The following RNF220 variants were observed in gnomAD, a reference collection of about 807,000 sequenced individuals.
RNF220 encodes the protein E3 ubiquitin-protein ligase RNF220.
RNF220 carries 7 observed loss-of-function variants against 67.1 expected under a neutral mutation model. The observed-to-expected ratio is 0.10, with a 90% CI of 0.06 to 0.20. RNF220 has a LOEUF of 0.20. Among genes scored for constraint, RNF220 ranks in the 10% least tolerant of loss-of-function variants. The probability of loss-of-function intolerance (pLI) is 1.00; values close to 1 mark genes in which losing one functional copy is unlikely to be tolerated. For missense variants in RNF220, 565 were observed against 740.3 expected (o/e 0.76, Z 2.75); for synonymous variants, 270 against 283.2 (o/e 0.95, Z 0.47).
intron 2 of RNF220, among the ~76,000 whole-genome samples, chr1:44,434,688 G>A (rs1237785638): frequency 6.7e-6 from 1 of 149,396 alleles, no homozygotes; most frequent in African/African-American, 2.5e-5. Context: ...CTGCACTCCA[G>A]CCTGGGCGAC....
intron 2 of RNF220, among the ~76,000 whole-genome samples, chr1:44,426,077 T>C (rs1209503503): frequency 6.6e-6 from 1 of 152,198 alleles, no homozygotes; most frequent in African/African-American, 2.4e-5. Flanking sequence ...TCAGCTGAAA[T>C]TTTATTGGCT....
chr1:44,553,143 A>T (rs172018), intron 2 of RNF220, among the ~76,000 whole-genome samples: 1 of 151,858 alleles, frequency 6.6e-6, no homozygotes, highest in Non-Finnish European at 1.5e-5. Flanking sequence ...TGTCCACCCC[A>T]CAAGAGTAGG....
Position 44,405,394 on chromosome 1 carries a change from T to TGCCGCTGCCGCCGCCGCCGCC in RNF220, c.-244_-224dup. The TGCCGCTGCCGCCGCCGCCGCC allele has an allele frequency of 4.8e-6, 3 of 628,812 alleles. No homozygotes were observed. The highest frequency in any genetic ancestry group is 8.6e-6 in the Non-Finnish European group (3 of 348,656). The allele number at this position is 628,812 out of a possible 1,614,324, so 39.0% of individuals were successfully genotyped here. On this transcript the variant is annotated 5_prime_UTR_variant, in exon 1 of 15. Transcript: ENST00000361799. ...AGCCGCCTACTGCTGCTGCTGCTGC[T>TGCCGCTGCCGCCGCCGCCGCC]GCCGCTGCCGCCGCCGCCGCCGCCG... is the stretch of plus-strand genomic sequence containing the variant.
At chr1:44,538,857 A>C (rs1466019894) in intron 2 of RNF220, among the ~76,000 whole-genome samples, 2 of 144,312 alleles carry the variant, frequency 1.4e-5, no homozygotes, top group African/African-American at 5.1e-5. Context: ...TGGAGGCTGC[A>C]GTGAGCTGAG....
intron 2 of RNF220, among the ~76,000 whole-genome samples, chr1:44,463,335 C>CAA (rs1223749063): frequency 0.057 from 5,190 of 91,048 alleles, 120 homozygotes; most frequent in East Asian, 0.16. Context: ...AACTCTGTCT[C>CAA]AAAAAAAAAA....
intron 2 of RNF220, among the ~76,000 whole-genome samples, chr1:44,537,710 G>A (rs1266630602): frequency 1.3e-5 from 2 of 152,130 alleles, no homozygotes; most frequent in African/African-American, 4.8e-5. Flanking sequence ...ACAAGTCAGG[G>A]TTCCAAGACA....
Position 44,644,734 on chromosome 1 carries a change from C to T in RNF220, c.1163C>T (p.Pro388Leu), listed in dbSNP as rs772408858. The T allele has an allele frequency of 3.0e-5, 49 of 1,613,992 alleles. No individual in the cohort carries two copies. The highest frequency in any genetic ancestry group is 3.9e-5 in the Non-Finnish European group (46 of 1,180,014). Residue 388 changes from proline (P) to leucine (L), a missense_variant, in exon 9 of 15, where the codon CCG becomes CTG. Transcript: ENST00000361799. ...GFIMCSGKEN[P>L]DSDADLDVDG... ...ATCATGTGCAGCGGCAAAGAGAACCCGGACAGTGATGCTGACTTGGATGTG... is the reference window on the plus strand; with the variant it reads ...ATCATGTGCAGCGGCAAAGAGAACCTGGACAGTGATGCTGACTTGGATGTG...
intron 2 of RNF220, among the ~76,000 whole-genome samples, chr1:44,555,455 A>T (rs1662995762): frequency 6.6e-6 from 1 of 151,866 alleles, no homozygotes; most frequent in Admixed American, 6.6e-5. Context: ...GCTATACTGA[A>T]CGTACCAATT....
chr1:44,465,398 A>T (rs1007160993), intron 2 of RNF220, among the ~76,000 whole-genome samples: 6 of 150,882 alleles, frequency 4.0e-5, no homozygotes, highest in South Asian at 2.1e-4. Flanking sequence ...TTAAATATAT[A>T]AAAAAATGAT....
intron 2 of RNF220, among the ~76,000 whole-genome samples, chr1:44,415,202 A>G (rs1050312090): frequency 6.6e-6 from 1 of 151,714 alleles, no homozygotes; most frequent in Non-Finnish European, 1.5e-5. Flanking sequence ...GTGTGTCGGA[A>G]TATTTATGGT....
intron 2 of RNF220, among the ~76,000 whole-genome samples, chr1:44,587,034 T>C (rs1043733799): frequency 1.3e-5 from 2 of 152,000 alleles, no homozygotes; most frequent in African/African-American, 2.4e-5. Context: ...GGATGGGCAG[T>C]TGATCCCTTA....
rs1394249089 is a variant in RNF220, at chr1:44,621,905, T to C, written c.759-837T>C. On this transcript the variant is annotated intron_variant, in intron 3 of 14. Transcript: ENST00000361799. The surrounding 1 kb of genome is among the most constrained non-coding windows in gnomAD (Gnocchi z 4.8). ...ACTTCTGTGAGCATGTGTGTGTGTGTGTGAGTGCACGCGCATGAATGTGCG... is the reference window on the plus strand; with the variant it reads ...ACTTCTGTGAGCATGTGTGTGTGTGCGTGAGTGCACGCGCATGAATGTGCG... Among the ~76,000 whole-genome samples, 1 of 151,474 alleles carries C rather than the reference T, an allele frequency of 6.6e-6. No individual in the cohort carries two copies. The highest frequency in any genetic ancestry group is 1.5e-5 in the Non-Finnish European group (1 of 67,586).
intron 2 of RNF220, among the ~76,000 whole-genome samples, chr1:44,555,456 C>T (rs532830913): frequency 6.6e-6 from 1 of 151,910 alleles, no homozygotes; most frequent in Non-Finnish European, 1.5e-5. Context: ...CTATACTGAA[C>T]GTACCAATTT....
At chr1:44,522,806 C>T (rs1238063773) in intron 2 of RNF220, among the ~76,000 whole-genome samples, 1 of 152,202 alleles carries the variant, frequency 6.6e-6, no homozygotes. Flanking sequence ...ACCTCTGAGG[C>T]CCTGCCCTCC....
chr1:44,443,239 C>T (rs1651744639), intron 2 of RNF220, among the ~76,000 whole-genome samples: 1 of 151,664 alleles, frequency 6.6e-6, no homozygotes, highest in Admixed American at 6.6e-5. Context: ...CTTTGTATTG[C>T]CTATTTTGAT....
intron 2 of RNF220, among the ~76,000 whole-genome samples, chr1:44,518,473 A>T (rs12744658): frequency 0.099 from 14,997 of 152,236 alleles, 796 homozygotes; most frequent in Middle Eastern, 0.13. Context: ...GCCAAAGCTC[A>T]TGATCTTTCC....
At chr1:44,620,063 C>T (rs1643729872) in intron 3 of RNF220, among the ~76,000 whole-genome samples, 1 of 152,174 alleles carries the variant, frequency 6.6e-6, no homozygotes, top group Admixed American at 6.5e-5. Flanking sequence ...TCAGCAGTTC[C>T]CCTCCCCAAA....
chr1:44,506,896 C>CAG (rs1658480330), intron 2 of RNF220, among the ~76,000 whole-genome samples: 1 of 152,190 alleles, frequency 6.6e-6, no homozygotes, highest in Admixed American at 6.5e-5. Context: ...TGAGTGACTA[C>CAG]AGACTCCAGA....
At chr1:44,453,759 C>A (rs1229940636) in intron 2 of RNF220, among the ~76,000 whole-genome samples, 1 of 151,940 alleles carries the variant, frequency 6.6e-6, no homozygotes, top group African/African-American at 2.4e-5. Context: ...CTATCTTTGT[C>A]TATTTTTTAT....
Sources: allele counts gnomAD v4.1 joint callset (sites outside exome capture counted in the v4.1 genomes callset), GRCh38; gene constraint gnomAD v4.1.1; non-coding constraint Gnocchi (gnomAD v3.1); transcripts MANE v1.5; gene names NCBI Gene and HGNC (gene_info 2026-07-23, HGNC 2026-07-21).